Variants in CRB1 observed in about 807,000 individuals in gnomAD.
CRB1 encodes the protein crumbs cell polarity complex component 1, also known as protein crumbs homolog 1.
In CRB1, 83 loss-of-function variants were observed where a neutral mutation model predicts 120.0. The ratio of observed to expected loss-of-function variants is 0.69; its 90% confidence interval spans 0.58 to 0.83. The LOEUF (loss-of-function observed/expected upper bound fraction) is 0.83, where lower values mean the gene tolerates loss of function less well. CRB1 is among the 40% of genes least tolerant of loss of function. The probability of loss-of-function intolerance (pLI) is 0.00; values close to 1 mark genes in which losing one functional copy is unlikely to be tolerated. For missense variants in CRB1, 1,699 were observed against 1,687.6 expected, an observed-to-expected ratio of 1.01 and a Z score of -0.12; for synonymous variants, 625 against 612.5, an observed-to-expected ratio of 1.02 and a Z score of -0.30.
At chr1:197,354,468 GT>G (rs1660314225) in intron 4 of CRB1, among the ~76,000 whole-genome samples, 1 of 152,094 alleles carries the variant, frequency 6.6e-6, no homozygotes, top group Admixed American at 6.5e-5. Context: ...GTTCGGACGT[GT>G]TCAGAGTTTC....
intron 10 of CRB1, 54 bp from the exon 11 acceptor site, chr1:197,442,112 C>T: frequency 1.2e-6 from 2 of 1,613,150 alleles, no homozygotes; most frequent in Admixed American, 1.7e-5. Flanking sequence ...TCCCATTTCA[C>T]AACCAATGTA....
chr1:197,353,814 T>TAAAAAAAAAAAA (rs57274486), intron 4 of CRB1, among the ~76,000 whole-genome samples: 1 of 89,418 alleles, frequency 1.1e-5, no homozygotes, highest in African/African-American at 5.0e-5. Context: ...AATATATAAA[T>TAAAAAAAAAAAA]AAAAAAAAAA....
the CRB1 span, among the ~76,000 whole-genome samples, chr1:197,216,792 G>A: frequency 6.6e-6 from 1 of 152,074 alleles, no homozygotes; most frequent in Non-Finnish European, 1.5e-5. Context: ...AGCTGCCATA[G>A]GTCAGGAATG....
the CRB1 span, among the ~76,000 whole-genome samples, chr1:197,203,683 A>G: frequency 6.6e-6 from 1 of 152,206 alleles, no homozygotes; most frequent in Non-Finnish European, 1.5e-5. Flanking sequence ...AAGAAATAGA[A>G]TGTATAAGTT....
the CRB1 span, among the ~76,000 whole-genome samples, chr1:197,254,059 A>G: frequency 2.0e-5 from 3 of 152,068 alleles, no homozygotes; most frequent in Non-Finnish European, 2.9e-5. Context: ...CTGCCTCCTC[A>G]TCCTCCTAAT....
At chr1:197,240,950 A>G in the CRB1 span, among the ~76,000 whole-genome samples, 20 of 152,328 alleles carry the variant, frequency 1.3e-4, no homozygotes, top group Admixed American at 4.6e-4. Context: ...TCTAATGACC[A>G]TTGATGATGA....
chr1:197,319,432 CAAAA>C lies in CRB1; in HGVS notation c.71-8967_71-8964del, dbSNP rs10646084. On this transcript the variant is annotated intron_variant, in intron 1 of 11. Transcript: ENST00000367400. ...TGGGTGACAGAGTGAGACTCCATCT[CAAAA>C]AAAAAAAAAAAAAAAAAAAAAAGAA... Among the ~76,000 whole-genome samples, 3 of 27,096 alleles carry C rather than the reference CAAAA, an allele frequency of 1.1e-4. No homozygotes were observed. The East Asian group carries it at 3.4e-3, about 31-fold the overall frequency. 17.8% of individuals were successfully genotyped at this position (27,096 alleles called of 152,430 possible). A position where few individuals can be genotyped will look rare whatever the true frequency, so the allele number is the denominator to read the frequency against.
At chr1:197,354,075 C>T (rs1182553262) in intron 4 of CRB1, among the ~76,000 whole-genome samples, 1 of 147,474 alleles carries the variant, frequency 6.8e-6, no homozygotes, top group Non-Finnish European at 1.5e-5. Context: ...CTGGGGAAAA[C>T]GTAAACCAAA....
chr1:197,430,272 C>T (rs141373520), intron 8 of CRB1, among the ~76,000 whole-genome samples: 222 of 152,244 alleles, frequency 1.5e-3, no homozygotes, highest in Non-Finnish European at 1.9e-3. Flanking sequence ...GTCTTCTCAC[C>T]TACTTCAAAT....
At chr1:197,429,121 T>C (rs1402359149) in intron 7 of CRB1, 2 of 1,531,826 alleles carry the variant, frequency 1.3e-6, no homozygotes, top group African/African-American at 2.7e-5. Context: ...AAGAATCCCT[T>C]CCTCAAATGA....
chr1:197,461,274 A>G (rs1351320158), intron 11 of CRB1, among the ~76,000 whole-genome samples: 1 of 152,120 alleles, frequency 6.6e-6, no homozygotes, highest in Non-Finnish European at 1.5e-5. Flanking sequence ...TCTGTGTGTA[A>G]TTGTGCATGA....
At chr1:197,362,868 C>T (rs575578448) in intron 5 of CRB1, among the ~76,000 whole-genome samples, 1 of 152,102 alleles carries the variant, frequency 6.6e-6, no homozygotes, top group East Asian at 1.9e-4. Context: ...TGTATTTAGA[C>T]CATTTATGTT....
At chr1:197,366,302 T>C (rs1484685739) in intron 5 of CRB1, among the ~76,000 whole-genome samples, 1 of 152,164 alleles carries the variant, frequency 6.6e-6, no homozygotes, top group Non-Finnish European at 1.5e-5. Flanking sequence ...TTACATGCTA[T>C]GTGTATTTAT....
chr1:197,404,049 C>T (rs1663203718), intron 5 of CRB1, among the ~76,000 whole-genome samples: 1 of 152,188 alleles, frequency 6.6e-6, no homozygotes, highest in Admixed American at 6.5e-5. Context: ...CAGATATCTT[C>T]TCTGTCACTT....
intron 1 of CRB1, among the ~76,000 whole-genome samples, chr1:197,282,573 G>A (rs2125221970): frequency 6.6e-6 from 1 of 151,958 alleles, no homozygotes; most frequent in African/African-American, 2.4e-5. Context: ...AAATTGTGTT[G>A]CTTTGGGATC....
chr1:197,249,259 T>C, the CRB1 span, among the ~76,000 whole-genome samples: 1 of 152,000 alleles, frequency 6.6e-6, no homozygotes, highest in East Asian at 1.9e-4. Flanking sequence ...ATACAGACCA[T>C]ACATTTTAAC....
At chr1:197,227,466 A>C in the CRB1 span, among the ~76,000 whole-genome samples, 1 of 151,454 alleles carries the variant, frequency 6.6e-6, no homozygotes, top group Non-Finnish European at 1.5e-5. Flanking sequence ...AGGGCAGTCA[A>C]ATTCTAAACC....
rs142090517 is a variant in CRB1 at position 197,435,558 on chromosome 1, A to G, written c.3695A>G (p.His1232Arg). ...QCANGATCIS[H>R]TNGYSCLCFG... ...GCAAATGGAGCCACCTGCATTAGTC[A>G]TACTAATGGCTATTCTTGCCTCTGT... is the stretch of plus-strand genomic sequence containing the variant. The change falls in exon 9 of 12, where the codon CAT becomes CGT. Residue 1232 changes from histidine to arginine, a missense_variant. Coordinates refer to ENST00000367400, the MANE Select transcript of CRB1 (RefSeq NM_201253.3). The G allele has an allele frequency of 2.6e-4, 426 of 1,613,522 alleles. No homozygotes were observed. Among genetic ancestry groups the G allele is most frequent in the East Asian group, 1.0e-3 (47 of 44,880 alleles).
At chr1:197,331,416 A>AT (rs1658851402) in intron 2 of CRB1, among the ~76,000 whole-genome samples, 1 of 152,214 alleles carries the variant, frequency 6.6e-6, no homozygotes, top group African/African-American at 2.4e-5. Context: ...TTAATTGTCA[A>AT]TACTATCTAA....
Sources: gnomAD v4.1 joint callset for allele counts (sites outside exome capture counted in the v4.1 genomes callset) on GRCh38, gnomAD v4.1.1 for gene constraint, MANE v1.5 for transcripts, NCBI Gene and HGNC (gene_info 2026-07-23, HGNC 2026-07-21) for gene names.